Variants in ACOX1 observed in about 807,000 individuals in gnomAD.
The protein encoded by ACOX1 is peroxisomal acyl-coenzyme A oxidase 1.
In ACOX1, 41 loss-of-function variants were observed where a neutral mutation model predicts 75.5. The observed-to-expected ratio is 0.54, with a 90% CI of 0.42 to 0.70. ACOX1 has a LOEUF of 0.70. Among genes scored for constraint, ACOX1 ranks in the 30% least tolerant of loss-of-function variants. The probability of loss-of-function intolerance (pLI) is 0.00; values close to 1 mark genes in which losing one functional copy is unlikely to be tolerated. For synonymous variants in ACOX1, 303 were observed against 298.8 expected, an observed-to-expected ratio of 1.01 and a Z score of -0.15; for missense variants, 630 against 837.5, an observed-to-expected ratio of 0.75 and a Z score of 3.06.
rs1370257723 is a variant in ACOX1, at chr17:75,960,804, C to A, written c.270-429G>T. 6.6e-6 allele frequency among the ~76,000 whole-genome samples: 1 copy of A among 151,976 alleles called. No individual in the cohort carries two copies. Among genetic ancestry groups the A allele is most frequent in the East Asian group, 1.9e-4 (1 of 5,174 alleles). On this transcript the variant is annotated intron_variant, in intron 2 of 13. Transcript: ENST00000293217. The surrounding 1 kb of genome is among the most constrained non-coding windows in gnomAD (Gnocchi z 4.4). The stretch of plus-strand genomic sequence containing the variant: ...ACCAGCCTGGCCAACATGGCAAAGC[C>A]CTGACTCTACTAAAAATACAAAAAT...
chr17:75,954,826 T>TC (rs2065809241), intron 6 of ACOX1, among the ~76,000 whole-genome samples: 1 of 151,930 alleles, frequency 6.6e-6, no homozygotes, highest in Non-Finnish European at 1.5e-5. Flanking sequence ...CTCCTTGGCC[T>TC]CCCAAAGTGC....
chr17:75,961,389 G>A (rs756553630), intron 2 of ACOX1, among the ~76,000 whole-genome samples: 14 of 148,378 alleles, frequency 9.4e-5, no homozygotes, highest in Non-Finnish European at 1.8e-4. Flanking sequence ...GGAGGCTGAC[G>A]CAGGCGGATC....
At chr17:75,970,206 A>AAAAAAAAAAAAAG in intron 2 of ACOX1, among the ~76,000 whole-genome samples, 1 of 151,200 alleles carries the variant, frequency 6.6e-6, no homozygotes, top group Non-Finnish European at 1.5e-5. Context: ...AAAAAAGAGG[A>AAAAAAAAAAAAAG]AGGAAGGAAG....
rs374142518 is a variant in ACOX1, at chr17:75,978,930, C to A, written c.109+35G>T. The stretch of plus-strand genomic sequence containing the variant: ...CATCGAGGGAGTCTCCAGCTTTTCT[C>A]GGGAAAGGAGGGAGGTCTCGCCCGC... On this transcript the variant is annotated intron_variant, in intron 1 of 13. Coordinates refer to ENST00000293217, the MANE Select transcript of ACOX1 (RefSeq NM_004035.7). This position sits in a 1 kb window ranked among gnomAD's most constrained non-coding sequence, Gnocchi z 4.2. The A allele has an allele frequency of 1.1e-5, 18 of 1,606,546 alleles. No homozygotes were observed. In the African/African-American group the frequency reaches 2.0e-4, roughly 18 times the overall value.
intron 4 of ACOX1, among the ~76,000 whole-genome samples, chr17:75,956,635 C>T (rs1164637157): frequency 6.7e-6 from 1 of 148,442 alleles, no homozygotes; most frequent in Non-Finnish European, 1.5e-5. Context: ...TTGCAGTGAG[C>T]GGAGATCACA....
In ACOX1 at chr17:75,949,289, T is replaced by C. The variant is rs752605927; in HGVS notation, c.1656A>G (p.Gln552=). The C allele has an allele frequency of 1.1e-5, 18 of 1,614,064 alleles. No individual in the cohort carries two copies. Among genetic ancestry groups the C allele is most frequent in the Non-Finnish European group, 1.4e-5 (17 of 1,179,992 alleles). Residue 552 remains glutamine, a synonymous_variant, in exon 12 of 14, where the codon CAA becomes CAG. Coordinates refer to ENST00000293217, the MANE Select transcript of ACOX1 (RefSeq NM_004035.7). The stretch of plus-strand genomic sequence containing the variant: ...GCAGACATAAACTCCTTAAGACAGC[T>C]TGAATGGCTTTATCTTGAATTTTGA... ...KLLKIQDKAI[Q]AVLRSLCLLY...
intron 6 of ACOX1, among the ~76,000 whole-genome samples, chr17:75,954,131 G>A (rs1021360743): frequency 1.3e-5 from 2 of 151,496 alleles, no homozygotes; most frequent in Non-Finnish European, 2.9e-5. Flanking sequence ...CAGGAGAATC[G>A]CTTGAACCTG....
At chr17:75,964,215 C>G (rs1431472093) in intron 2 of ACOX1, among the ~76,000 whole-genome samples, 1 of 151,668 alleles carries the variant, frequency 6.6e-6, no homozygotes, top group Non-Finnish European at 1.5e-5. Context: ...AGCGGAAATC[C>G]CAAGAAAAAC....
chr17:75,955,656 G>C lies in ACOX1; in HGVS notation c.684C>G (p.Pro228=). ...LPGITVGDIG[P]KFGYDEIDNG... The stretch of plus-strand genomic sequence containing the variant: ...TGTCTATCTCATCATAACCAAATTT[G>C]GGGCCGATGTCACCAACGGTAATTC... The change falls in exon 6 of 14, where the codon CCC becomes CCG. Residue 228 remains proline (P), a synonymous_variant. Coordinates refer to ENST00000293217, the MANE Select transcript of ACOX1 (RefSeq NM_004035.7). The C allele has an allele frequency of 6.2e-7, 1 of 1,614,112 alleles. No individual in the cohort carries two copies.
chr17:75,968,550 G>A (rs539069579), intron 2 of ACOX1, among the ~76,000 whole-genome samples: 1 of 146,202 alleles, frequency 6.8e-6, no homozygotes, highest in African/African-American at 2.6e-5. Context: ...AGCTTGCAGC[G>A]AGCGGAGATC....
intron 12 of ACOX1, 54 bp from the exon 13 acceptor site, chr17:75,948,511 T>A: frequency 7.0e-7 from 1 of 1,437,018 alleles, no homozygotes; most frequent in Non-Finnish European, 9.7e-7. Context: ...TAGATAGACA[T>A]AATTATATGC....
chr17:75,968,723 G>A (rs1307872165), intron 2 of ACOX1, among the ~76,000 whole-genome samples: 3 of 150,478 alleles, frequency 2.0e-5, no homozygotes, highest in Non-Finnish European at 4.4e-5. Context: ...AGGAGTTCAA[G>A]ACCAGCCTGA....
At chr17:75,961,557 G>A (rs971588757) in intron 2 of ACOX1, among the ~76,000 whole-genome samples, 3 of 151,372 alleles carry the variant, frequency 2.0e-5, no homozygotes, top group Non-Finnish European at 4.4e-5. Context: ...ATCACCTGAG[G>A]TCAGGAGTTC....
chr17:75,969,928 T>C (rs1397665411), intron 2 of ACOX1, among the ~76,000 whole-genome samples: 1 of 152,084 alleles, frequency 6.6e-6, no homozygotes, highest in Non-Finnish European at 1.5e-5. Context: ...CTTACACTTC[T>C]AATCCCAGCA....
At chr17:75,957,008 T>TACAC (rs1202955138) in intron 4 of ACOX1, among the ~76,000 whole-genome samples, 25 of 110,198 alleles carry the variant, frequency 2.3e-4, no homozygotes, top group African/African-American at 8.2e-4. Flanking sequence ...TATATATATA[T>TACAC]ACACACACAC....
rs1417237146 is a variant in ACOX1 at position 75,955,709 on chromosome 17, G to A, written c.659-28C>T. 5.0e-6 allele frequency: 8 copies of A among 1,611,496 alleles called. No homozygotes were observed. In the East Asian group the frequency reaches 1.6e-4, roughly 31 times the overall value. The stretch of plus-strand genomic sequence containing the variant: ...ACCACAGATGAAAGGACAGTCACGA[G>A]ATGTTTATGCTCTGGAATTTCTGGC... On this transcript the variant is annotated intron_variant, in intron 5 of 13. Coordinates refer to ENST00000293217, the MANE Select transcript of ACOX1 (RefSeq NM_004035.7).
chr17:75,961,394 C>T (rs1318457707), intron 2 of ACOX1, among the ~76,000 whole-genome samples: 3 of 133,568 alleles, frequency 2.2e-5, no homozygotes, highest in Non-Finnish European at 3.1e-5. Context: ...CTGACGCAGG[C>T]GGATCACTTG....
At chr17:75,969,696 A>G (rs2065974512) in intron 2 of ACOX1, among the ~76,000 whole-genome samples, 1 of 152,118 alleles carries the variant, frequency 6.6e-6, no homozygotes, top group Non-Finnish European at 1.5e-5. Flanking sequence ...AAGGTGCATT[A>G]TTTCATATTT....
chr17:75,974,759 G>A (rs565174736), intron 2 of ACOX1, among the ~76,000 whole-genome samples: 25 of 152,216 alleles, frequency 1.6e-4, no homozygotes, highest in African/African-American at 5.8e-4. Context: ...GTAGCCGGGC[G>A]CGGTGGCTCA....
Sources: gnomAD v4.1 joint callset for allele counts (sites outside exome capture counted in the v4.1 genomes callset) on GRCh38, gnomAD v4.1.1 for gene constraint, Gnocchi (gnomAD v3.1) non-coding constraint, MANE v1.5 for transcripts, NCBI Gene and HGNC (gene_info 2026-07-23, HGNC 2026-07-21) for gene names.